ANAPC1: variants seen among roughly 807,000 people sequenced by gnomAD.
ANAPC1 encodes anaphase-promoting complex subunit 1.
A neutral mutation model predicts 208.0 loss-of-function variants in ANAPC1; 36 were observed. The ratio of observed to expected loss-of-function variants is 0.17; its 90% CI spans 0.13 to 0.23. The LOEUF is 0.23. Ranked by LOEUF, ANAPC1 falls within the 10% of genes least tolerant of loss-of-function variation. The pLI, the probability that ANAPC1 is intolerant of heterozygous loss-of-function variation, is 1.00. For missense variants in ANAPC1, 942 were observed against 2,011.6 expected (o/e 0.47, Z 10.17); for synonymous variants, 378 against 695.2 (o/e 0.54, Z 7.18).
chr2:111,867,952 G>A (rs1206569929), intron 7 of ANAPC1, 71 bp downstream of exon 7: 25 of 921,484 alleles, frequency 2.7e-5, no homozygotes, highest in Admixed American at 2.7e-4. Flanking sequence ...TCATATAAGC[G>A]CCTTTATAAC....
At chr2:111,860,150 T>G (rs924182026) in intron 10 of ANAPC1, among the ~76,000 whole-genome samples, 1 of 151,534 alleles carries the variant, frequency 6.6e-6, no homozygotes, top group Non-Finnish European at 1.5e-5. Context: ...TTACAAAAAA[T>G]TAGTCAGGCG....
At chr2:111,801,700 C>T (rs1195308104) in intron 33 of ANAPC1, among the ~76,000 whole-genome samples, 3 of 151,378 alleles carry the variant, frequency 2.0e-5, no homozygotes. Context: ...TGGGAACCGT[C>T]TTACTCATTA....
At chr2:111,875,032 G>A (rs2104598835) in intron 3 of ANAPC1, among the ~76,000 whole-genome samples, 1 of 152,308 alleles carries the variant, frequency 6.6e-6, no homozygotes, top group South Asian at 2.1e-4. Context: ...CAGCAGCTAT[G>A]TTACATTCCC....
In ANAPC1 at chr2:111,878,854, A is replaced by G. The variant is rs1230715089; in HGVS notation, c.331T>C (p.Leu111=). The G allele has an allele frequency of 8.7e-6, 14 of 1,607,560 alleles. No homozygotes were observed. Among genetic ancestry groups the G allele is most frequent in the East Asian group, 2.2e-5 (1 of 44,824 alleles). ...IWSKGSKSQA[L]AVYKAFTVDS... ...ACTGTAAATGCTTTATAAACTGCCA[A>G]TGCCTGGCTTTTACTTCCTTTGCTC... The change falls in exon 3 of 48, where the codon TTG becomes CTG. Residue 111 remains leucine (L), a synonymous_variant. Transcript: ENST00000341068.
intron 8 of ANAPC1, among the ~76,000 whole-genome samples, chr2:111,864,366 GAT>G (rs1682272025): frequency 8.7e-6 from 1 of 115,304 alleles, no homozygotes; most frequent in Non-Finnish European, 1.6e-5. Context: ...TGATGATGAT[GAT>G]GATGATAATA....
In ANAPC1 at chr2:111,821,557, G is replaced by C. The variant is rs538692931; in HGVS notation, c.2992-104C>G. The stretch of plus-strand genomic sequence containing the variant: ...GATGTGTCTTGACTATACTAGCACA[G>C]AGAAAATATGTTTTCCAAAGCAGGC... On this transcript the variant is annotated intron_variant, in intron 25 of 47. Transcript: ENST00000341068. 3.1e-6 allele frequency: 4 copies of C among 1,289,028 alleles called. No homozygotes were observed. The East Asian group carries it at 9.8e-5, about 32-fold the overall frequency. 79.8% of individuals were successfully genotyped at this position (1,289,028 alleles called of 1,614,324 possible). A position where few individuals can be genotyped will look rare whatever the true frequency, so the allele number is the denominator to read the frequency against.
intron 45 of ANAPC1, among the ~76,000 whole-genome samples, chr2:111,777,960 A>G (rs1485617440): frequency 1.3e-5 from 2 of 152,294 alleles, no homozygotes; most frequent in African/African-American, 4.8e-5. Context: ...TTCTGATTCA[A>G]TAGATGAGGC....
intron 46 of ANAPC1, among the ~76,000 whole-genome samples, chr2:111,772,731 G>A (rs2104461664): frequency 6.6e-6 from 1 of 152,272 alleles, no homozygotes; most frequent in South Asian, 2.1e-4. Context: ...TGTGAGGAGT[G>A]CTATAAAGGT....
At chr2:111,849,882 G>A (rs1448019326) in intron 14 of ANAPC1, among the ~76,000 whole-genome samples, 1 of 151,410 alleles carries the variant, frequency 6.6e-6, no homozygotes, top group East Asian at 1.9e-4. Flanking sequence ...ATCCTGTAAT[G>A]CCCTGTCAAT....
In ANAPC1 at chr2:111,863,886, C is replaced by T. The variant is rs200506240; in HGVS notation, c.841G>A (p.Val281Ile). 1 of 1,594,928 alleles carries T rather than the reference C, an allele frequency of 6.3e-7. No individual in the cohort carries two copies. Among genetic ancestry groups the T allele is most frequent in the Non-Finnish European group, 8.5e-7 (1 of 1,173,046 alleles). The change falls in exon 9 of 48, where the codon GTT (valine) becomes ATT (isoleucine). Residue 281 changes from valine (V) to isoleucine (I), a missense_variant. Val to Ile is a conservative substitution (Grantham distance 29, BLOSUM62 3). Transcript: ENST00000341068. ...CCCTGTTCAGAGAACTTTAAAACAA[C>T]ATTCTCTTCCTTAAGTCAAAATAAA... ...LRRVKSEEEN[V>I]VLKFSEQGGT...
intron 38 of ANAPC1, among the ~76,000 whole-genome samples, chr2:111,788,924 GT>G (rs1441083035): frequency 6.6e-6 from 1 of 151,976 alleles, no homozygotes; most frequent in African/African-American, 2.4e-5. Flanking sequence ...GGATCACGAG[GT>G]CAGGAGATCG....
rs754649421 is a variant in ANAPC1 at position 111,792,553 on chromosome 2, T to C, written c.4521A>G (p.Thr1507=). Residue 1507 remains threonine (T), a splice_region_variant and synonymous_variant, in exon 38 of 48, where the codon ACA becomes ACG. Coordinates refer to ENST00000341068, the MANE Select transcript of ANAPC1 (RefSeq NM_022662.4). The part of the protein sequence containing the change: ...TYLSAPNASV[T]GPHNLETCLS... Reference sequence around the variant, plus strand: ...GACAAGTTTCTAGGTTATGAGGACCTGTCTGTCAGGTGAAGAGATGACATC... The same window carrying C: ...GACAAGTTTCTAGGTTATGAGGACCCGTCTGTCAGGTGAAGAGATGACATC... 6.2e-7 allele frequency: 1 copy of C among 1,612,544 alleles called. No homozygotes were observed. Among genetic ancestry groups the C allele is most frequent in the Non-Finnish European group, 8.5e-7 (1 of 1,179,382 alleles).
In ANAPC1 at chr2:111,878,844, T is replaced by C. The variant is rs781349469; in HGVS notation, c.341A>G (p.Tyr114Cys). Residue 114 changes from tyrosine to cysteine, a missense_variant, in exon 3 of 48, where the codon TAT (tyrosine) becomes TGT (cysteine). Transcript: ENST00000341068. ...KGSKSQALAV[Y>C]KAFTVDSPVQ... The stretch of plus-strand genomic sequence containing the variant: ...AGGACTGTCAACTGTAAATGCTTTA[T>C]AAACTGCCAATGCCTGGCTTTTACT... 163 of 1,605,594 alleles carry C rather than the reference T, an allele frequency of 1.0e-4. 1 individual carries two copies. In the South Asian group the frequency reaches 1.7e-3, roughly 17 times the overall value.
At chr2:111,857,682 C>G (rs1254503143) in intron 11 of ANAPC1, among the ~76,000 whole-genome samples, 1 of 152,140 alleles carries the variant, frequency 6.6e-6, no homozygotes, top group Non-Finnish European at 1.5e-5. Flanking sequence ...TGACCCAATC[C>G]TAGGCATTTA....
chr2:111,769,661 A>T (rs1022925000), intron 47 of ANAPC1, among the ~76,000 whole-genome samples: 1 of 135,444 alleles, frequency 7.4e-6, no homozygotes, highest in Non-Finnish European at 1.6e-5. Flanking sequence ...GAATATCTGC[A>T]TTACACCTAC....
intron 10 of ANAPC1, among the ~76,000 whole-genome samples, chr2:111,858,688 G>A (rs1348472438): frequency 6.6e-6 from 1 of 151,558 alleles, no homozygotes; most frequent in African/African-American, 2.4e-5. Context: ...CATGAACCCA[G>A]GAGGCGGGGC....
chr2:111,839,508 T>G (rs1239175871), intron 17 of ANAPC1, among the ~76,000 whole-genome samples: 2 of 152,184 alleles, frequency 1.3e-5, no homozygotes, highest in Non-Finnish European at 2.9e-5. Flanking sequence ...GCTGAAAAAC[T>G]TACATATTTA....
chr2:111,792,063 G>A (rs1321579465), intron 38 of ANAPC1, among the ~76,000 whole-genome samples: 3 of 152,154 alleles, frequency 2.0e-5, no homozygotes, highest in Non-Finnish European at 4.4e-5. Flanking sequence ...GTAGCTTAGT[G>A]GAATGGTAAA....
chr2:111,787,419 T>C (rs1573323381), intron 39 of ANAPC1, among the ~76,000 whole-genome samples: 1 of 151,016 alleles, frequency 6.6e-6, no homozygotes, highest in African/African-American at 2.4e-5. Context: ...GCTATCTTTC[T>C]TCTGTCGTTG....
Sources: allele counts gnomAD v4.1 joint callset (sites outside exome capture counted in the v4.1 genomes callset), GRCh38; gene constraint gnomAD v4.1.1; transcripts MANE v1.5; gene names NCBI Gene and HGNC (gene_info 2026-07-23, HGNC 2026-07-21).